The following ZMYM2 variants were observed in gnomAD, a reference collection of about 807,000 sequenced individuals.
ZMYM2 encodes zinc finger MYM-type protein 2.
ZMYM2 carries 56 observed loss-of-function variants against 162.8 expected under a neutral mutation model. The observed-to-expected ratio is 0.34, with a 90% CI of 0.28 to 0.43. The LOEUF (loss-of-function observed/expected upper bound fraction) is 0.43, where lower values mean the gene tolerates loss of function less well. Ranked by LOEUF, ZMYM2 falls within the 20% of genes least tolerant of loss-of-function variation. ZMYM2 has a pLI of 1.00. For missense variants in ZMYM2, 1,275 were observed against 1,621.8 expected, an observed-to-expected ratio of 0.79 and a Z score of 3.67; for synonymous variants, 510 against 541.6, an observed-to-expected ratio of 0.94 and a Z score of 0.81.
intron 15 of ZMYM2, 120 bp downstream of exon 15, chr13:20,058,824 GT>G: frequency 7.3e-7 from 1 of 1,378,646 alleles, no homozygotes; most frequent in Non-Finnish European, 1.0e-6. Flanking sequence ...GTCATTTTCT[GT>G]TGATTTTGCT....
chr13:19,964,891 G>A (rs940762087), intron 2 of ZMYM2, among the ~76,000 whole-genome samples: 1 of 152,042 alleles, frequency 6.6e-6, no homozygotes, highest in East Asian at 1.9e-4. Flanking sequence ...ATAACTAATT[G>A]TTGCAACTTC....
intron 2 of ZMYM2, among the ~76,000 whole-genome samples, chr13:19,977,267 T>C (rs1007161555): frequency 3.9e-5 from 6 of 152,176 alleles, no homozygotes; most frequent in Admixed American, 2.0e-4. Flanking sequence ...GTGATCCTGC[T>C]GCTTTCGGCT....
intron 11 of ZMYM2, among the ~76,000 whole-genome samples, chr13:20,036,098 T>G (rs1323885168): frequency 1.3e-5 from 2 of 152,164 alleles, no homozygotes; most frequent in Admixed American, 1.3e-4. Context: ...GTCATTCTAC[T>G]TACATAGCAC....
chr13:20,051,341 GGTTTTATCAC>G (rs1955327534), intron 12 of ZMYM2, 82 bp from the exon 13 acceptor site: 2 of 1,329,684 alleles, frequency 1.5e-6, no homozygotes, highest in South Asian at 2.8e-5. Flanking sequence ...TATCAGTCAC[GGTTTTATCAC>G]ATTTGGCAAT....
intron 14 of ZMYM2, among the ~76,000 whole-genome samples, chr13:20,054,382 T>G (rs1382287669): frequency 6.6e-6 from 1 of 152,224 alleles, no homozygotes; most frequent in Non-Finnish European, 1.5e-5. Context: ...GAATCCTGAT[T>G]TCAGAACTTT....
Position 20,006,531 on chromosome 13 carries a change from T to C in ZMYM2, c.1457T>C (p.Ile486Thr). The change falls in exon 6 of 25, where the codon ATT becomes ACT. Residue 486 changes from isoleucine (I) to threonine (T), a missense_variant. Coordinates refer to ENST00000610343, the MANE Select transcript of ZMYM2 (RefSeq NM_197968.4). Reference protein sequence around the residue: ...SKGAGNNVLVIDGQQKRFCCQ... With the variant: ...SKGAGNNVLVTDGQQKRFCCQ... Reference sequence around the variant, plus strand: ...GGTGCTGGAAATAATGTTCTGGTGATTGATGGTCAACAGAAAAGATTTTGC... The same window carrying C: ...GGTGCTGGAAATAATGTTCTGGTGACTGATGGTCAACAGAAAAGATTTTGC... 1 of 1,613,882 alleles carries C rather than the reference T, an allele frequency of 6.2e-7. No homozygotes were observed. The highest frequency in any genetic ancestry group is 1.1e-5 in the South Asian group (1 of 91,066).
the ZMYM2 span, among the ~76,000 whole-genome samples, chr13:19,876,409 G>A: frequency 1.1e-4 from 16 of 151,570 alleles, no homozygotes; most frequent in South Asian, 8.3e-4. Context: ...TGCAACCTCC[G>A]CCTCCCAGGT....
At chr13:20,023,116 A>G (rs1255388597) in intron 7 of ZMYM2, among the ~76,000 whole-genome samples, 1 of 152,226 alleles carries the variant, frequency 6.6e-6, no homozygotes, top group Non-Finnish European at 1.5e-5. Context: ...TTTGACAGTC[A>G]TAGGCCCTAT....
chr13:19,941,397 T>A, the ZMYM2 span, among the ~76,000 whole-genome samples: 2 of 150,836 alleles, frequency 1.3e-5, no homozygotes, highest in African/African-American at 4.9e-5. Flanking sequence ...ATTTGAGCAT[T>A]AAAGGATTCA....
intron 6 of ZMYM2, among the ~76,000 whole-genome samples, chr13:20,010,753 G>A (rs1261532268): frequency 6.6e-6 from 1 of 152,112 alleles, no homozygotes; most frequent in African/African-American, 2.4e-5. Context: ...TGATTCTCCT[G>A]CCTCAGCCTC....
chr13:19,959,704 G>C (rs1240218884), intron 1 of ZMYM2, among the ~76,000 whole-genome samples: 1 of 152,122 alleles, frequency 6.6e-6, no homozygotes, highest in African/African-American at 2.4e-5. Flanking sequence ...CCGGGAGCAG[G>C]CTCGGTGTCC....
the ZMYM2 span, among the ~76,000 whole-genome samples, chr13:19,916,304 C>T: frequency 1.7e-4 from 26 of 152,176 alleles, no homozygotes; most frequent in African/African-American, 6.3e-4. Flanking sequence ...GACAGTGTGG[C>T]GATTCCTCAA....
chr13:19,918,050 C>T, the ZMYM2 span, among the ~76,000 whole-genome samples: 2 of 152,088 alleles, frequency 1.3e-5, no homozygotes, highest in East Asian at 3.9e-4. Flanking sequence ...GAGGGAGACC[C>T]TGTCTCAAAA....
At chr13:19,922,662 G>A in the ZMYM2 span, among the ~76,000 whole-genome samples, 1 of 151,884 alleles carries the variant, frequency 6.6e-6, no homozygotes, top group Non-Finnish European at 1.5e-5. Context: ...GGCTAACACG[G>A]TGAAACCCCG....
chr13:20,051,720 C>T (rs887737987), intron 13 of ZMYM2, 122 bp downstream of exon 13: 10 of 960,238 alleles, frequency 1.0e-5, no homozygotes, highest in Middle Eastern at 2.5e-4. Context: ...ACTTAAATTC[C>T]GTAGATTCTC....
intron 21 of ZMYM2, among the ~76,000 whole-genome samples, chr13:20,075,921 C>G (rs1957468537): frequency 6.6e-6 from 1 of 151,848 alleles, no homozygotes; most frequent in Non-Finnish European, 1.5e-5. Flanking sequence ...GTCTCAAACG[C>G]CTGATCTCAG....
At chr13:19,887,754 C>T in the ZMYM2 span, among the ~76,000 whole-genome samples, 2 of 151,982 alleles carry the variant, frequency 1.3e-5, no homozygotes, top group East Asian at 3.9e-4. Flanking sequence ...TTGCAAGCAA[C>T]ATCATTTATT....
chr13:20,063,901 T>TA (rs1956462108), intron 18 of ZMYM2, among the ~76,000 whole-genome samples: 1 of 145,474 alleles, frequency 6.9e-6, no homozygotes, highest in Non-Finnish European at 1.5e-5. Context: ...AAATATAATT[T>TA]TATATATAAT....
chr13:19,967,134 ATTTGTCTTTCC>A (rs1238461706), intron 2 of ZMYM2, among the ~76,000 whole-genome samples: 2 of 151,938 alleles, frequency 1.3e-5, no homozygotes, highest in African/African-American at 4.8e-5. Flanking sequence ...TTACCTGTTC[ATTTGTCTTTCC>A]TTTTCCTAAC....
Sources: allele counts gnomAD v4.1 joint callset (sites outside exome capture counted in the v4.1 genomes callset), GRCh38; gene constraint gnomAD v4.1.1; transcripts MANE v1.5; gene names NCBI Gene and HGNC (gene_info 2026-07-23, HGNC 2026-07-21).